ADAM19: variants seen among roughly 807,000 people sequenced by gnomAD.
ADAM19 encodes ADAM metallopeptidase domain 19.
A neutral mutation model predicts 114.7 loss-of-function variants in ADAM19; 65 were observed. The ratio of observed to expected loss-of-function variants is 0.57; its 90% CI spans 0.46 to 0.70. The LOEUF is 0.70. Among genes scored for constraint, ADAM19 ranks in the 30% least tolerant of loss-of-function variants. The pLI is 0.00. For synonymous variants in ADAM19, 466 were observed against 460.5 expected, an observed-to-expected ratio of 1.01 and a Z score of -0.15; for missense variants, 1,063 against 1,204.7, an observed-to-expected ratio of 0.88 and a Z score of 1.74.
chr5:157,547,019 G>A lies in ADAM19; in HGVS notation c.252-9028C>T, dbSNP rs1757068490. ...AAGAGACCAAGTGCTTAGAATTTTA[G>A]ATAAGGAGGAGAAAACAGAGAAAAC... is the stretch of plus-strand genomic sequence containing the variant. On this transcript the variant is annotated intron_variant, in intron 3 of 22. Coordinates refer to ENST00000257527, the MANE Select transcript of ADAM19 (RefSeq NM_033274.5). 2.0e-5 allele frequency among the ~76,000 whole-genome samples: 3 copies of A among 152,196 alleles called. No homozygotes were observed. The South Asian group carries it at 6.2e-4, about 31-fold the overall frequency.
Position 157,497,239 on chromosome 5 carries a change from C to A in ADAM19, c.1399-150G>T, listed in dbSNP as rs369244934. 27 of 611,232 alleles carry A rather than the reference C, an allele frequency of 4.4e-5. 1 individual carries two copies. The highest frequency in any genetic ancestry group is 4.3e-4 in the Admixed American group (10 of 23,262). 37.9% of individuals were successfully genotyped at this position (611,232 alleles called of 1,614,324 possible). Reference sequence around the variant, plus strand: ...TTTTACATGACCTCATTAGCCCAAACCACCTTCAGCCTTCTCATGTGAATA... The same window carrying A: ...TTTTACATGACCTCATTAGCCCAAAACACCTTCAGCCTTCTCATGTGAATA... On this transcript the variant is annotated intron_variant, in intron 13 of 22. Transcript: ENST00000257527.
At chr5:157,565,890 C>T (rs1757646756) in intron 2 of ADAM19, 1 of 151,824 alleles carries the variant, frequency 6.6e-6, no homozygotes, top group Admixed American at 6.6e-5. Flanking sequence ...GGGTGGACCA[C>T]TTGAGGTCAG....
In ADAM19 at chr5:157,552,705, A is replaced by T. The variant is rs544741717; in HGVS notation, c.251+11668T>A. On this transcript the variant is annotated intron_variant, in intron 3 of 22. Transcript: ENST00000257527. ...AAAAAAAAAAAAAAAAAAAAAAGGA[A>T]ATCAGTATACTGAAGACATACCTGT... Among the ~76,000 whole-genome samples the T allele has an allele frequency of 4.2e-4, 63 of 151,516 alleles. No individual in the cohort carries two copies. In the South Asian group the frequency reaches 0.012, roughly 30 times the overall value.
At chr5:157,545,022 C>G (rs540791316) in intron 3 of ADAM19, among the ~76,000 whole-genome samples, 1 of 152,300 alleles carries the variant, frequency 6.6e-6, no homozygotes, top group Admixed American at 6.5e-5. Flanking sequence ...CGGACCACTC[C>G]CTGAAACTAA....
chr5:157,574,943 C>A (rs1757932418), intron 1 of ADAM19, among the ~76,000 whole-genome samples: 1 of 152,184 alleles, frequency 6.6e-6, no homozygotes, highest in African/African-American at 2.4e-5. Flanking sequence ...CGTGGCGTGG[C>A]CTTGGGCAAG....
intron 3 of ADAM19, among the ~76,000 whole-genome samples, chr5:157,553,801 A>T (rs1176057302): frequency 6.6e-6 from 1 of 152,274 alleles, no homozygotes; most frequent in African/African-American, 2.4e-5. Flanking sequence ...ACCATTAAAA[A>T]GAATGAAACA....
At chr5:157,514,553 C>T (rs1756035225) in intron 7 of ADAM19, among the ~76,000 whole-genome samples, 1 of 152,128 alleles carries the variant, frequency 6.6e-6, no homozygotes, top group Non-Finnish European at 1.5e-5. Flanking sequence ...TCTCAAACTC[C>T]TGACCTCAAG....
intron 12 of ADAM19, among the ~76,000 whole-genome samples, chr5:157,499,934 A>ATG: frequency 6.6e-6 from 1 of 151,338 alleles, no homozygotes; most frequent in South Asian, 2.1e-4. Flanking sequence ...ACACCCCACC[A>ATG]CACCTGGCTA....
chr5:157,538,894 G>A (rs1756840039), intron 3 of ADAM19, among the ~76,000 whole-genome samples: 1 of 152,184 alleles, frequency 6.6e-6, no homozygotes, highest in Non-Finnish European at 1.5e-5. Flanking sequence ...GCCAGGTGTG[G>A]TGGCTCACAC....
chr5:157,505,131 A>AAAC (rs1755700037), intron 11 of ADAM19, among the ~76,000 whole-genome samples: 1 of 151,326 alleles, frequency 6.6e-6, no homozygotes, highest in African/African-American at 2.4e-5. Context: ...AAAAAAAAAA[A>AAAC]AAAAAAAATT....
intron 2 of ADAM19, among the ~76,000 whole-genome samples, chr5:157,564,939 C>T (rs1365061373): frequency 6.6e-6 from 1 of 152,226 alleles, no homozygotes. Flanking sequence ...GCCTGGCACA[C>T]GGCAAGCCAT....
At chr5:157,536,873 T>C (rs1019846781) in intron 4 of ADAM19, among the ~76,000 whole-genome samples, 42 of 152,204 alleles carry the variant, frequency 2.8e-4, no homozygotes, top group African/African-American at 1.0e-3. Context: ...ACTCCCAGTC[T>C]GTGTGCCTCA....
At chr5:157,486,864 G>T (rs1029601368) in intron 21 of ADAM19, among the ~76,000 whole-genome samples, 11 of 152,106 alleles carry the variant, frequency 7.2e-5, no homozygotes, top group African/African-American at 1.2e-4. Context: ...TTAGAGATAA[G>T]GTCTTTAAAG....
At chr5:157,552,750 C>T (rs1561554211) in intron 3 of ADAM19, among the ~76,000 whole-genome samples, 1 of 149,950 alleles carries the variant, frequency 6.7e-6, no homozygotes, top group Non-Finnish European at 1.5e-5. Context: ...TTTGTTGCAG[C>T]AGAGTTTACA....
Position 157,490,317 on chromosome 5 carries a change from G to A in ADAM19, c.2233C>T (p.Gln745Ter). ...PSALPSKLRQ[Q>*]FSCPFRVSQN... The stretch of plus-strand genomic sequence containing the variant: ...CATTGAACCCTGTCATACCTGAACT[G>A]TTGCCTCAGCTTGGAAGGGAGAGCT... Residue 745 changes from glutamine to a stop codon, truncating the protein, a stop_gained, in exon 19 of 23, where the codon CAG becomes TAG. Transcript: ENST00000257527. LOFTEE classifies it high-confidence loss of function. The A allele has an allele frequency of 6.2e-7, 1 of 1,614,096 alleles. No individual in the cohort carries two copies. The highest frequency in any genetic ancestry group is 8.5e-7 in the Non-Finnish European group (1 of 1,180,018).
At chr5:157,542,259 GT>G (rs11327769) in intron 3 of ADAM19, among the ~76,000 whole-genome samples, 35,154 of 145,590 alleles carry the variant, frequency 0.24, 4,612 homozygotes, top group African/African-American at 0.39. Context: ...ATTTTTAATA[GT>G]TTTTTTTTTT....
At chr5:157,530,741 T>C in intron 5 of ADAM19, 66 bp downstream of exon 5, 1 of 1,408,514 alleles carries the variant, frequency 7.1e-7, no homozygotes, top group Non-Finnish European at 1.0e-6. Flanking sequence ...CTCAGCCTTG[T>C]CTATCTTGAA....
intron 4 of ADAM19, among the ~76,000 whole-genome samples, chr5:157,535,403 A>T (rs1756734729): frequency 6.6e-6 from 1 of 152,224 alleles, no homozygotes; most frequent in African/African-American, 2.4e-5. Flanking sequence ...AGTCTCCAAC[A>T]TTCGGGTCAA....
Position 157,502,786 on chromosome 5 carries a change from C to T in ADAM19, c.1308+17G>A, listed in dbSNP as rs1286696105. On this transcript the variant is annotated intron_variant, in intron 12 of 22. Coordinates refer to ENST00000257527, the MANE Select transcript of ADAM19 (RefSeq NM_033274.5). ...GCAAATTCTTCCCCTCCCACTAGCA[C>T]CATTGTGACCCCTCACCTCTTCTTC... The T allele has an allele frequency of 6.2e-7, 1 of 1,611,196 alleles. No homozygotes were observed.
Sources: gnomAD v4.1 joint callset for allele counts (sites outside exome capture counted in the v4.1 genomes callset) on GRCh38, gnomAD v4.1.1 for gene constraint, MANE v1.5 for transcripts, NCBI Gene and HGNC (gene_info 2026-07-23, HGNC 2026-07-21) for gene names.